CTNNA3: variants seen among roughly 807,000 people sequenced by gnomAD.
CTNNA3 encodes catenin alpha 3, also known as catenin alpha-3.
CTNNA3 carries 76 observed loss-of-function variants against 95.7 expected under a neutral mutation model. That is an observed-to-expected ratio of 0.79 (90% CI 0.66 to 0.96). The LOEUF is 0.96. Ranked by LOEUF, CTNNA3 falls within the 40% of genes least tolerant of loss-of-function variation. CTNNA3 has a pLI of 0.00. For missense variants in CTNNA3, 1,191 were observed against 1,089.8 expected (o/e 1.09, Z -1.31); for synonymous variants, 431 against 374.4 (o/e 1.15, Z -1.74).
At chr10:67,431,323 G>A (rs554062185) in intron 5 of CTNNA3, among the ~76,000 whole-genome samples, 23 of 152,050 alleles carry the variant, frequency 1.5e-4, no homozygotes, top group Middle Eastern at 3.4e-3. Context: ...GTCTTTGACC[G>A]CAGACTTAAC....
intron 12 of CTNNA3, among the ~76,000 whole-genome samples, chr10:66,305,214 G>A (rs1296060317): frequency 6.6e-6 from 1 of 151,956 alleles, no homozygotes; most frequent in African/African-American, 2.4e-5. Context: ...ATCTCCCTAG[G>A]TATTTAAGTT....
At chr10:66,710,510 AATTATCTTTAATGAAGATAATTTC>A (rs1400950057) in intron 9 of CTNNA3, among the ~76,000 whole-genome samples, 6 of 151,928 alleles carry the variant, frequency 3.9e-5, no homozygotes, top group African/African-American at 1.4e-4. Flanking sequence ...GAGTACACGA[AATTATCTTTAATGAAGATAATTTC>A]ATTATCTTTG....
chr10:66,202,823 T>C (rs1442624489), intron 13 of CTNNA3, among the ~76,000 whole-genome samples: 1 of 152,200 alleles, frequency 6.6e-6, no homozygotes, highest in East Asian at 1.9e-4. Context: ...TCTGCTAGTC[T>C]TACGGGTGAG....
At chr10:66,943,231 G>A (rs1848106590) in intron 7 of CTNNA3, among the ~76,000 whole-genome samples, 1 of 152,196 alleles carries the variant, frequency 6.6e-6, no homozygotes, top group African/African-American at 2.4e-5. Flanking sequence ...AATGACACAA[G>A]ATCTGTGAAA....
At chr10:66,797,457 T>C (rs938007380) in intron 7 of CTNNA3, among the ~76,000 whole-genome samples, 2 of 148,450 alleles carry the variant, frequency 1.3e-5, no homozygotes, top group African/African-American at 4.9e-5. Flanking sequence ...TGTGCATGAA[T>C]AAATGGCAAA....
intron 7 of CTNNA3, among the ~76,000 whole-genome samples, chr10:66,850,572 T>C (rs1843449849): frequency 6.6e-6 from 1 of 152,156 alleles, no homozygotes; most frequent in African/African-American, 2.4e-5. Flanking sequence ...TATGCTTGTG[T>C]GTGGTAGTGT....
chr10:65,996,396 C>G (rs2078661140), intron 15 of CTNNA3, among the ~76,000 whole-genome samples: 2 of 152,126 alleles, frequency 1.3e-5, no homozygotes, highest in African/African-American at 4.8e-5. Context: ...GAGGACCCTG[C>G]TGTTCTGCTG....
intron 9 of CTNNA3, among the ~76,000 whole-genome samples, chr10:66,758,656 C>A (rs140360594): frequency 1.1e-4 from 16 of 152,072 alleles, no homozygotes; most frequent in African/African-American, 3.9e-4. Context: ...AACTTTGGGC[C>A]GGGCATGGTG....
At chr10:66,466,085 G>A (rs1641163605) in intron 11 of CTNNA3, among the ~76,000 whole-genome samples, 1 of 151,950 alleles carries the variant, frequency 6.6e-6, no homozygotes, top group African/African-American at 2.4e-5. Flanking sequence ...CCTCCATGAT[G>A]TGAATGAGCC....
At chr10:66,515,849 C>A (rs2132006993) in intron 11 of CTNNA3, among the ~76,000 whole-genome samples, 1 of 152,076 alleles carries the variant, frequency 6.6e-6, no homozygotes, top group Admixed American at 6.5e-5. Context: ...CGGGGTCCCT[C>A]CCACAACAAC....
chr10:67,070,844 C>T (rs1856410987), intron 7 of CTNNA3, among the ~76,000 whole-genome samples: 1 of 152,024 alleles, frequency 6.6e-6, no homozygotes, highest in African/African-American at 2.4e-5. Context: ...ACCTAGTTGC[C>T]CTGTTTACTA....
chr10:66,569,254 C>T (rs539318797), intron 10 of CTNNA3, among the ~76,000 whole-genome samples: 25 of 152,218 alleles, frequency 1.6e-4, no homozygotes, highest in Non-Finnish European at 2.8e-4. Flanking sequence ...TTCTTAGCTG[C>T]GCCAGCCTTT....
intron 7 of CTNNA3, among the ~76,000 whole-genome samples, chr10:67,054,045 C>T (rs772606417): frequency 3.9e-5 from 6 of 152,116 alleles, no homozygotes; most frequent in Non-Finnish European, 8.8e-5. Context: ...TAATTCTGTC[C>T]ATCTTTGCAG....
At chr10:66,887,553 C>T (rs896088468) in intron 7 of CTNNA3, among the ~76,000 whole-genome samples, 1 of 151,986 alleles carries the variant, frequency 6.6e-6, no homozygotes, top group African/African-American at 2.4e-5. Flanking sequence ...TTTCTCCAAC[C>T]TTAACAATTC....
intron 4 of CTNNA3, among the ~76,000 whole-genome samples, chr10:67,524,750 A>T (rs960153428): frequency 1.3e-5 from 2 of 152,212 alleles, no homozygotes; most frequent in Non-Finnish European, 2.9e-5. Context: ...CCTATTAAAC[A>T]CACCCCATCC....
chr10:67,464,640 T>C lies in CTNNA3; in HGVS notation c.579+57202A>G, dbSNP rs77396569. On this transcript the variant is annotated intron_variant, in intron 5 of 17. Coordinates refer to ENST00000433211, the MANE Select transcript of CTNNA3 (RefSeq NM_013266.4). The stretch of plus-strand genomic sequence containing the variant: ...ATTAAAGCTAAAGGACAAAAAGATA[T>C]CCATGTATCCCTTTTTGCAGTAAGT... Among the ~76,000 whole-genome samples the C allele has an allele frequency of 4.4e-4, 67 of 152,250 alleles. 1 individual carries two copies. In the East Asian group the frequency reaches 0.012, roughly 27 times the overall value.
At chr10:66,208,753 G>A (rs12762371) in intron 13 of CTNNA3, among the ~76,000 whole-genome samples, 44,177 of 151,512 alleles carry the variant, frequency 0.29, 7,577 homozygotes, top group Admixed American at 0.38. Flanking sequence ...TAAACATGAC[G>A]ACCACCACCA....
At chr10:66,367,048 C>G in intron 12 of CTNNA3, among the ~76,000 whole-genome samples, 1 of 152,154 alleles carries the variant, frequency 6.6e-6, no homozygotes, top group Non-Finnish European at 1.5e-5. Context: ...AGCCCACACA[C>G]CCGGGCCTGG....
At chr10:66,491,135 C>T (rs577751067) in intron 11 of CTNNA3, among the ~76,000 whole-genome samples, 1 of 152,296 alleles carries the variant, frequency 6.6e-6, no homozygotes, top group South Asian at 2.1e-4. Context: ...TCAACCATAG[C>T]CGCTGCACTT....
Sources: allele counts gnomAD v4.1 joint callset (sites outside exome capture counted in the v4.1 genomes callset), GRCh38; gene constraint gnomAD v4.1.1; transcripts MANE v1.5; gene names NCBI Gene and HGNC (gene_info 2026-07-23, HGNC 2026-07-21).